Variants in TRPM3 observed in about 807,000 individuals in gnomAD.
TRPM3 encodes transient receptor potential cation channel subfamily M member 3.
In TRPM3, 77 loss-of-function variants were observed where a neutral mutation model predicts 181.2. That is an observed-to-expected ratio of 0.42 (90% confidence interval 0.35 to 0.51). The LOEUF (loss-of-function observed/expected upper bound fraction) is 0.51. Among genes scored for constraint, TRPM3 ranks in the 20% least tolerant of loss-of-function variants. The pLI, the probability that TRPM3 is intolerant of heterozygous loss-of-function variation, is 0.01. For synonymous variants in TRPM3, 745 were observed against 796.4 expected, an observed-to-expected ratio of 0.94 and a Z score of 1.09; for missense variants, 1,759 against 2,196.7, an observed-to-expected ratio of 0.80 and a Z score of 3.98.
intron 1 of TRPM3, among the ~76,000 whole-genome samples, chr9:71,236,428 C>T (rs1043398249): frequency 6.6e-6 from 1 of 152,096 alleles, no homozygotes; most frequent in African/African-American, 2.4e-5. Flanking sequence ...ACCCGCCCCA[C>T]ATTTGCAGAA....
intron 1 of TRPM3, among the ~76,000 whole-genome samples, chr9:71,426,822 C>T (rs1249034454): frequency 7.0e-6 from 1 of 143,848 alleles, no homozygotes; most frequent in Non-Finnish European, 1.5e-5. Flanking sequence ...GCGTTAAGAC[C>T]AAAAAAAAAA....
intron 1 of TRPM3, among the ~76,000 whole-genome samples, chr9:70,909,615 G>A (rs2096516605): frequency 6.6e-6 from 1 of 152,136 alleles, no homozygotes; most frequent in African/African-American, 2.4e-5. Flanking sequence ...TTAACTGGGG[G>A]TGGAGGGGCA....
chr9:70,791,873 T>C (rs570893090), intron 6 of TRPM3, among the ~76,000 whole-genome samples: 21 of 152,360 alleles, frequency 1.4e-4, no homozygotes, highest in African/African-American at 4.8e-4. Flanking sequence ...GCATTCTCAG[T>C]GCTCGAGGCA....
intron 8 of TRPM3, among the ~76,000 whole-genome samples, chr9:70,683,829 G>T (rs1367277417): frequency 6.6e-6 from 1 of 152,128 alleles, no homozygotes; most frequent in African/African-American, 2.4e-5. Flanking sequence ...CTCAGGAAGG[G>T]ATTCCTGAAT....
intron 1 of TRPM3, among the ~76,000 whole-genome samples, chr9:71,440,685 TAGAG>T (rs2094124894): frequency 6.6e-6 from 1 of 152,224 alleles, no homozygotes; most frequent in African/African-American, 2.4e-5. Context: ...TCAGCTCTAT[TAGAG>T]AGGCTGTCCA....
chr9:70,589,451 T>G (rs1473841063), intron 22 of TRPM3, among the ~76,000 whole-genome samples: 1 of 152,100 alleles, frequency 6.6e-6, no homozygotes, highest in African/African-American at 2.4e-5. Flanking sequence ...AAAGGAAAAC[T>G]AAAAAAGGCA....
intron 1 of TRPM3, among the ~76,000 whole-genome samples, chr9:71,168,479 C>T (rs2076643279): frequency 6.9e-6 from 1 of 145,634 alleles, no homozygotes. Flanking sequence ...GTCAGCATCA[C>T]TAAGCACCCT....
intron 7 of TRPM3, among the ~76,000 whole-genome samples, chr9:70,781,326 T>TAAAAAAA (rs35173071): frequency 1.9e-4 from 20 of 106,116 alleles, no homozygotes; most frequent in East Asian, 5.3e-4. Context: ...TTCCATTTCA[T>TAAAAAAA]AAAAAAAAAA....
At chr9:70,934,796 G>A (rs1322914829) in intron 1 of TRPM3, among the ~76,000 whole-genome samples, 1 of 152,100 alleles carries the variant, frequency 6.6e-6, no homozygotes, top group Non-Finnish European at 1.5e-5. Context: ...TGAGGCATGA[G>A]TATGGGAAAT....
At chr9:71,264,262 G>A (rs1044212140) in intron 1 of TRPM3, among the ~76,000 whole-genome samples, 1 of 152,120 alleles carries the variant, frequency 6.6e-6, no homozygotes, top group Non-Finnish European at 1.5e-5. Flanking sequence ...ACGCATTGTG[G>A]AATGGTGTGC....
chr9:70,901,350 A>C (rs1235006357), intron 1 of TRPM3, among the ~76,000 whole-genome samples: 3 of 152,240 alleles, frequency 2.0e-5, no homozygotes. Flanking sequence ...GAAGCTCCAA[A>C]CACTGTCAAG....
At chr9:70,805,811 C>A (rs866284688) in intron 6 of TRPM3, among the ~76,000 whole-genome samples, 2 of 152,090 alleles carry the variant, frequency 1.3e-5, no homozygotes, top group Non-Finnish European at 2.9e-5. Flanking sequence ...CTACTTCTCC[C>A]CAAACTCTTC....
chr9:70,766,601 G>A (rs2079175860), intron 7 of TRPM3, among the ~76,000 whole-genome samples: 1 of 151,956 alleles, frequency 6.6e-6, no homozygotes, highest in Admixed American at 6.6e-5. Context: ...TTTATCATTT[G>A]CTAGAAGCCA....
At chr9:71,120,953 G>A (rs557771860) in intron 1 of TRPM3, among the ~76,000 whole-genome samples, 35 of 151,170 alleles carry the variant, frequency 2.3e-4, no homozygotes, top group African/African-American at 7.3e-4. Context: ...TCTCCTTCTC[G>A]AGTGTGGTTC....
chr9:71,219,663 A>C (rs1472286983), intron 1 of TRPM3, among the ~76,000 whole-genome samples: 1 of 152,224 alleles, frequency 6.6e-6, no homozygotes, highest in East Asian at 1.9e-4. Context: ...ATTTTTCCAG[A>C]GTTTCAGGAA....
chr9:70,589,878 G>A (rs2057824887), intron 22 of TRPM3, among the ~76,000 whole-genome samples: 1 of 152,142 alleles, frequency 6.6e-6, no homozygotes, highest in African/African-American at 2.4e-5. Flanking sequence ...CAGGCCTGGA[G>A]GACTCACACT....
intron 1 of TRPM3, among the ~76,000 whole-genome samples, chr9:70,943,899 C>T (rs1435488866): frequency 6.6e-6 from 1 of 152,120 alleles, no homozygotes; most frequent in Non-Finnish European, 1.5e-5. Context: ...CTTGCCTCAG[C>T]CTCCCAAGTA....
At chr9:70,838,656 G>A (rs531104156) in intron 5 of TRPM3, among the ~76,000 whole-genome samples, 2 of 152,204 alleles carry the variant, frequency 1.3e-5, no homozygotes, top group African/African-American at 4.8e-5. Flanking sequence ...ATTTGATGAA[G>A]TGTAGGATTA....
intron 1 of TRPM3, among the ~76,000 whole-genome samples, chr9:71,001,567 G>GA (rs1419685804): frequency 6.6e-6 from 1 of 152,056 alleles, no homozygotes; most frequent in Admixed American, 6.5e-5. Flanking sequence ...GTCTATTAGG[G>GA]AAAAAAGCCA....
Sources: gnomAD v4.1 joint callset for allele counts (sites outside exome capture counted in the v4.1 genomes callset) on GRCh38, gnomAD v4.1.1 for gene constraint, MANE v1.5 for transcripts, NCBI Gene and HGNC (gene_info 2026-07-23, HGNC 2026-07-21) for gene names.